The following RPP30 variants were observed in gnomAD, a reference collection of about 807,000 sequenced individuals.
RPP30 encodes the protein ribonuclease P/MRP subunit p30, also known as ribonuclease P protein subunit p30.
RPP30 carries 36 observed loss-of-function variants against 38.6 expected under a neutral mutation model. The ratio of observed to expected loss-of-function variants is 0.93; its 90% CI spans 0.71 to 1.23. The LOEUF is 1.23. Among genes scored for constraint, RPP30 ranks in the 50% most tolerant of loss-of-function variants. The pLI is 0.00. For synonymous variants in RPP30, 126 were observed against 112.7 expected, an observed-to-expected ratio of 1.12 and a Z score of -0.75; for missense variants, 321 against 321.7, an observed-to-expected ratio of 1.00 and a Z score of 0.02.
intron 6 of RPP30, among the ~76,000 whole-genome samples, chr10:90,887,449 C>T (rs1202884638): frequency 6.7e-6 from 1 of 150,030 alleles, no homozygotes; most frequent in African/African-American, 2.5e-5. Flanking sequence ...GTGGCACGAT[C>T]TCGGCTCACT....
intron 9 of RPP30, 86 bp from the exon 10 acceptor site, chr10:90,896,227 C>A: frequency 8.6e-7 from 1 of 1,159,594 alleles, no homozygotes. Flanking sequence ...TCAAGATGAC[C>A]AGGTTAGCTG....
At chr10:90,874,776 T>C (rs1204919198) in intron 1 of RPP30, 93 bp from the exon 2 acceptor site, 5 of 746,760 alleles carry the variant, frequency 6.7e-6, no homozygotes, top group East Asian at 2.7e-5. Flanking sequence ...TCAAATGTCC[T>C]CCTACTCTTG....
rs1330571363 is a variant in RPP30 at position 90,875,579 on chromosome 10, G to C, written c.160G>C (p.Val54Leu). The change falls in exon 3 of 11, where the codon GTT (valine) becomes CTT (leucine). Residue 54 changes from valine (V) to leucine (L), a missense_variant. Physicochemically the swap from Val to Leu is conservative, Grantham distance 32 (BLOSUM62 1). Coordinates refer to ENST00000371703, the MANE Select transcript of RPP30 (RefSeq NM_006413.5). The part of the protein sequence containing the change: ...KKQEIEKPVA[V>L]SELFTTLPIV... ...GTAGGAAATTGAAAAACCAGTAGCT[G>C]TTTCTGAACTCTTCACAACTTTGCC... The C allele has an allele frequency of 1.2e-6, 2 of 1,613,526 alleles. No homozygotes were observed. The highest frequency in any genetic ancestry group is 1.7e-6 in the Non-Finnish European group (2 of 1,179,620).
chr10:90,903,808 A>G (rs1847227580), downstream of RPP30, among the ~76,000 whole-genome samples: 1 of 152,242 alleles, frequency 6.6e-6, no homozygotes, highest in African/African-American at 2.4e-5. Flanking sequence ...ATTTTAAAAG[A>G]TGACACTATT....
downstream of RPP30, chr10:90,902,401 G>A (rs954608880): frequency 2.5e-5 from 8 of 318,480 alleles, no homozygotes; most frequent in Admixed American, 1.1e-4. Flanking sequence ...GTATTTTTTT[G>A]TAGAGATGGG....
downstream of RPP30, among the ~76,000 whole-genome samples, chr10:90,904,808 T>A (rs550918885): frequency 6.6e-6 from 1 of 152,078 alleles, no homozygotes; most frequent in East Asian, 1.9e-4. Flanking sequence ...TGAGACTCTG[T>A]CTAAAAAAAA....
intron 10 of RPP30, 111 bp from the exon 11 acceptor site, chr10:90,900,459 C>T (rs1847186990): frequency 8.7e-6 from 9 of 1,038,708 alleles, no homozygotes; most frequent in African/African-American, 1.6e-5. Context: ...CATAGCAGTT[C>T]ATTATGGCTT....
intron 5 of RPP30, among the ~76,000 whole-genome samples, chr10:90,881,252 G>T (rs1252538980): frequency 6.6e-6 from 1 of 152,062 alleles, no homozygotes; most frequent in East Asian, 1.9e-4. Context: ...AGGATAATTG[G>T]GACAGATATT....
intron 9 of RPP30, 80 bp downstream of exon 9, chr10:90,895,997 GTAT>G: frequency 3.6e-6 from 4 of 1,096,850 alleles, no homozygotes; most frequent in Non-Finnish European, 5.5e-6. Flanking sequence ...AGTTGAACAT[GTAT>G]TTTTCTCAAC....
At chr10:90,895,978 T>G in intron 9 of RPP30, 61 bp downstream of exon 9, 1 of 1,304,146 alleles carries the variant, frequency 7.7e-7, no homozygotes, top group Non-Finnish European at 1.1e-6. Context: ...GAATTTGAAG[T>G]CGTATTATAG....
intron 3 of RPP30, 76 bp downstream of exon 3, chr10:90,875,690 T>G: frequency 5.7e-6 from 7 of 1,226,014 alleles, no homozygotes; most frequent in Non-Finnish European, 8.4e-6. Context: ...TGCTATTCTC[T>G]AGCTTGAGCT....
At chr10:90,893,429 C>T (rs1160265551) in intron 6 of RPP30, among the ~76,000 whole-genome samples, 1 of 152,158 alleles carries the variant, frequency 6.6e-6, no homozygotes, top group Non-Finnish European at 1.5e-5. Flanking sequence ...GCCTACCATT[C>T]TTTCTTTATT....
At chr10:90,899,809 C>T (rs771106571) in intron 10 of RPP30, among the ~76,000 whole-genome samples, 3 of 152,142 alleles carry the variant, frequency 2.0e-5, no homozygotes, top group Non-Finnish European at 4.4e-5. Context: ...TATATTTGCT[C>T]TTATTGTGCT....
chr10:90,896,301 T>C lies in RPP30; in HGVS notation c.618-12T>C. On this transcript the variant is annotated splice_polypyrimidine_tract_variant and intron_variant, in intron 9 of 10. Coordinates refer to ENST00000371703, the MANE Select transcript of RPP30 (RefSeq NM_006413.5). ...GGTGACTCTGGGTTGAAATCTTTAA[T>C]GCTCCCCCAAGAGGCTTGCTGTTTG... The C allele has an allele frequency of 6.2e-7, 1 of 1,613,046 alleles. No individual in the cohort carries two copies. The highest frequency in any genetic ancestry group is 8.5e-7 in the Non-Finnish European group (1 of 1,179,012).
chr10:90,895,760 G>A, intron 8 of RPP30, 120 bp from the exon 9 acceptor site: 1 of 727,326 alleles, frequency 1.4e-6, no homozygotes. Context: ...AAATTATAAG[G>A]ACTTAAATTT....
chr10:90,874,718 C>A, intron 1 of RPP30, 151 bp from the exon 2 acceptor site: 1 of 451,346 alleles, frequency 2.2e-6, no homozygotes, highest in Non-Finnish European at 4.1e-6. Context: ...AGTGCATAGA[C>A]TTTAAATCAG....
chr10:90,872,272 C>G, intron 1 of RPP30: 1 of 590,894 alleles, frequency 1.7e-6, no homozygotes. Context: ...TCTGGTTCAG[C>G]TACTTTCCTG....
intron 2 of RPP30, among the ~76,000 whole-genome samples, chr10:90,875,328 AGTC>A (rs2120181512): frequency 6.6e-6 from 1 of 152,342 alleles, no homozygotes; most frequent in South Asian, 2.1e-4. Context: ...AGATTATTTC[AGTC>A]TAAAAATTAG....
chr10:90,892,251 A>G (rs1452710043), intron 6 of RPP30, among the ~76,000 whole-genome samples: 1 of 152,222 alleles, frequency 6.6e-6, no homozygotes, highest in African/African-American at 2.4e-5. Flanking sequence ...AGCTTTAGGC[A>G]ATTTGCATCA....
Sources: gnomAD v4.1 joint callset for allele counts (sites outside exome capture counted in the v4.1 genomes callset) on GRCh38, gnomAD v4.1.1 for gene constraint, MANE v1.5 for transcripts, NCBI Gene and HGNC (gene_info 2026-07-23, HGNC 2026-07-21) for gene names.